MEIKIN: variants seen among roughly 807,000 people sequenced by gnomAD.
MEIKIN encodes meiotic kinetochore factor, also known as meiosis-specific kinetochore protein.
Position 131,945,408 on chromosome 5 carries a change from G to A in MEIKIN, c.98C>T (p.Ala33Val). 2.5e-6 allele frequency: 1 copy of A among 399,222 alleles called. No homozygotes were observed. 24.7% of individuals were successfully genotyped at this position (399,222 alleles called of 1,614,324 possible). ...GAGCCTTGAGCCTGTACCTGGCGGG[G>A]CCTCGGCCTTCGCTGGAGAGCCTAG... ...PDLGSPAKAE[A>V]PPGSKRKGKV... Residue 33 changes from alanine to valine, a missense_variant, in exon 1 of 13, where the codon GCC becomes GTC. Coordinates refer to ENST00000442687, the MANE Select transcript of MEIKIN (RefSeq NM_001303622.2).
intron 5 of MEIKIN, among the ~76,000 whole-genome samples, chr5:131,926,605 A>G (rs1344681323): frequency 6.6e-6 from 1 of 152,208 alleles, no homozygotes; most frequent in Non-Finnish European, 1.5e-5. Flanking sequence ...TTTAAGAATT[A>G]GAATTAAATA....
At chr5:131,834,778 A>G (rs1036681489) in intron 11 of MEIKIN, among the ~76,000 whole-genome samples, 2 of 152,208 alleles carry the variant, frequency 1.3e-5, no homozygotes, top group African/African-American at 4.8e-5. Flanking sequence ...GGGAGTGCAG[A>G]TATCTCTTTG....
chr5:131,922,825 A>G (rs1387711721), intron 5 of MEIKIN, among the ~76,000 whole-genome samples: 2 of 152,222 alleles, frequency 1.3e-5, no homozygotes, highest in East Asian at 3.8e-4. Context: ...CTGGTGGTAT[A>G]TCAAAACCAC....
intron 11 of MEIKIN, among the ~76,000 whole-genome samples, chr5:131,837,379 T>C (rs1287571709): frequency 3.3e-5 from 5 of 152,198 alleles, no homozygotes; most frequent in African/African-American, 1.2e-4. Context: ...TAAAACAGCT[T>C]CTAGTTCTGT....
At chr5:131,935,126 T>C (rs1003744948) in intron 4 of MEIKIN, among the ~76,000 whole-genome samples, 26 of 147,306 alleles carry the variant, frequency 1.8e-4, no homozygotes, top group African/African-American at 6.2e-4. Flanking sequence ...GCAAATGGAC[T>C]GAAATCCAGA....
intron 9 of MEIKIN, among the ~76,000 whole-genome samples, chr5:131,867,549 C>A (rs1161712507): frequency 1.3e-5 from 2 of 152,192 alleles, no homozygotes; most frequent in African/African-American, 4.8e-5. Flanking sequence ...TTCCTCCTAA[C>A]CTCTGGCAAC....
chr5:131,870,064 A>T (rs1043210041), intron 9 of MEIKIN, among the ~76,000 whole-genome samples: 2 of 152,326 alleles, frequency 1.3e-5, no homozygotes, highest in African/African-American at 4.8e-5. Flanking sequence ...ATTGACTTTT[A>T]AATTCCTTCC....
intron 5 of MEIKIN, 53 bp downstream of exon 5, chr5:131,933,460 C>A: frequency 2.5e-6 from 1 of 394,526 alleles, no homozygotes; most frequent in Non-Finnish European, 4.5e-6. Flanking sequence ...GATTTGTGGA[C>A]AAAAGAATAA....
At chr5:131,826,450 T>C (rs1300405375) in intron 11 of MEIKIN, among the ~76,000 whole-genome samples, 3 of 152,168 alleles carry the variant, frequency 2.0e-5, no homozygotes, top group African/African-American at 7.2e-5. Context: ...TTAAAAGTAC[T>C]GTAAGGTCCT....
chr5:131,862,074 T>C (rs1371501385), intron 9 of MEIKIN, among the ~76,000 whole-genome samples: 2 of 152,228 alleles, frequency 1.3e-5, no homozygotes, highest in Non-Finnish European at 2.9e-5. Context: ...TGAATCCATC[T>C]GATCCTGGGC....
chr5:131,873,232 G>C (rs1459601980), intron 9 of MEIKIN, among the ~76,000 whole-genome samples: 4 of 152,302 alleles, frequency 2.6e-5, no homozygotes, highest in South Asian at 2.1e-4. Flanking sequence ...AGACCCATCA[G>C]TGTGCTGTAT....
At chr5:131,913,473 C>A (rs1235878165) in intron 7 of MEIKIN, among the ~76,000 whole-genome samples, 1 of 152,188 alleles carries the variant, frequency 6.6e-6, no homozygotes, top group Non-Finnish European at 1.5e-5. Flanking sequence ...ATATGTTGAA[C>A]CTTCCAAATG....
intron 11 of MEIKIN, among the ~76,000 whole-genome samples, chr5:131,844,118 A>T (rs1749968501): frequency 6.6e-6 from 1 of 152,082 alleles, no homozygotes; most frequent in Middle Eastern, 3.2e-3. Flanking sequence ...AAACAACTAG[A>T]TCTCGTGAGC....
At chr5:131,887,595 GA>G (rs1422380438) in intron 8 of MEIKIN, among the ~76,000 whole-genome samples, 1 of 152,096 alleles carries the variant, frequency 6.6e-6, no homozygotes, top group Non-Finnish European at 1.5e-5. Context: ...CAGCGATGAT[GA>G]GCATTATTTC....
chr5:131,896,473 C>T (rs560375662), intron 8 of MEIKIN, among the ~76,000 whole-genome samples: 3 of 152,196 alleles, frequency 2.0e-5, no homozygotes, highest in Admixed American at 6.5e-5. Context: ...CTAATATTGA[C>T]AGTGGGGTGT....
chr5:131,877,584 C>T (rs1447677659), intron 9 of MEIKIN, among the ~76,000 whole-genome samples: 1 of 152,106 alleles, frequency 6.6e-6, no homozygotes, highest in African/African-American at 2.4e-5. Context: ...GTCAAGTTTA[C>T]AGTGAGTGGT....
chr5:131,930,093 A>G (rs181182213), intron 5 of MEIKIN, among the ~76,000 whole-genome samples: 73 of 152,310 alleles, frequency 4.8e-4, no homozygotes, highest in Admixed American at 1.6e-3. Flanking sequence ...GAAATCTGCA[A>G]ACTTCTTTCC....
At chr5:131,822,934 ATTTTTTTT>A (rs70974019) in intron 11 of MEIKIN, among the ~76,000 whole-genome samples, 5 of 116,912 alleles carry the variant, frequency 4.3e-5, no homozygotes, top group Admixed American at 8.7e-5. Flanking sequence ...TGCTTAAAGG[ATTTTTTTT>A]TTTTTTTTTT....
intron 9 of MEIKIN, among the ~76,000 whole-genome samples, chr5:131,857,467 C>G (rs1037100747): frequency 1.3e-5 from 2 of 152,154 alleles, no homozygotes; most frequent in African/African-American, 4.8e-5. Flanking sequence ...GTAGGGCAGT[C>G]TTGTCCATGA....
Sources: gnomAD v4.1 joint callset for allele counts (sites outside exome capture counted in the v4.1 genomes callset) on GRCh38, gnomAD v4.1.1 for gene constraint, MANE v1.5 for transcripts, NCBI Gene and HGNC (gene_info 2026-07-23, HGNC 2026-07-21) for gene names.